ITGAE: variants seen among roughly 807,000 people sequenced by gnomAD.
ITGAE encodes integrin alpha-E.
Under a neutral mutation model 136.5 loss-of-function variants are expected in ITGAE, and 99 were observed. The ratio of observed to expected loss-of-function variants is 0.73; its 90% CI spans 0.62 to 0.86. The LOEUF is 0.86. ITGAE is among the 40% of genes least tolerant of loss of function. The pLI is 0.00. For synonymous variants in ITGAE, 613 were observed against 591.8 expected, an observed-to-expected ratio of 1.04 and a Z score of -0.52; for missense variants, 1,447 against 1,515.3, an observed-to-expected ratio of 0.95 and a Z score of 0.75.
At position 3,746,557 on chromosome 17, in the gene ITGAE, A is replaced by G. The variant is rs543460088; in HGVS notation, c.2156-630T>C. On this transcript the variant is annotated intron_variant, in intron 17 of 30. Coordinates refer to ENST00000263087, the MANE Select transcript of ITGAE (RefSeq NM_002208.5). ...TGCAAGCTCCGCCTCCCGGGTTCACACCATTCTCCTGCCTCAGCCTCCCCC... is the reference window on the plus strand; with the variant it reads ...TGCAAGCTCCGCCTCCCGGGTTCACGCCATTCTCCTGCCTCAGCCTCCCCC... Among the ~76,000 whole-genome samples, 5 of 150,070 alleles carry G rather than the reference A, an allele frequency of 3.3e-5. No homozygotes were observed. In the East Asian group the frequency reaches 5.9e-4, roughly 18 times the overall value.
At chr17:3,745,572 C>T (rs2051692200) in intron 18 of ITGAE, among the ~76,000 whole-genome samples, 192 bp downstream of exon 18, 1 of 152,182 alleles carries the variant, frequency 6.6e-6, no homozygotes, top group Non-Finnish European at 1.5e-5. Context: ...GAACTCCTGA[C>T]CTCAAGTGAT....
chr17:3,757,215 G>A (rs531862785), intron 9 of ITGAE, 81 bp from the exon 10 acceptor site: 15 of 1,494,580 alleles, frequency 1.0e-5, no homozygotes, highest in African/African-American at 1.4e-5. Context: ...CCTCCATCTG[G>A]CCTCTGGGGC....
chr17:3,765,447 C>T (rs1173273052), intron 2 of ITGAE, among the ~76,000 whole-genome samples: 4 of 151,886 alleles, frequency 2.6e-5, no homozygotes, highest in African/African-American at 4.8e-5. Flanking sequence ...ATACCGTCTC[C>T]ACTTCCTCAA....
chr17:3,796,039 CCGTGTGTGCATCTG>C (rs1367708094), intron 1 of ITGAE, among the ~76,000 whole-genome samples: 5 of 67,790 alleles, frequency 7.4e-5, no homozygotes, highest in African/African-American at 1.3e-4. Flanking sequence ...GCGTGTGCAT[CCGTGTGTGCATCTG>C]TGTGTGTGCA....
intron 2 of ITGAE, among the ~76,000 whole-genome samples, chr17:3,773,075 T>G (rs1205565213): frequency 1.3e-5 from 2 of 152,188 alleles, no homozygotes; most frequent in Non-Finnish European, 2.9e-5. Flanking sequence ...GCCGGTTATT[T>G]CACCTGTGCT....
At chr17:3,768,387 A>C (rs891153543) in intron 2 of ITGAE, among the ~76,000 whole-genome samples, 1 of 152,018 alleles carries the variant, frequency 6.6e-6, no homozygotes, top group Non-Finnish European at 1.5e-5. Flanking sequence ...GGCCTCCCAA[A>C]CTGCTGGGAG....
intron 21 of ITGAE, among the ~76,000 whole-genome samples, 177 bp downstream of exon 21, chr17:3,734,640 G>C (rs1388828311): frequency 6.6e-6 from 1 of 152,326 alleles, no homozygotes; most frequent in South Asian, 2.1e-4. Flanking sequence ...AGAATATGGT[G>C]CCTCGGGAGG....
At chr17:3,716,835 G>T in intron 29 of ITGAE, 37 bp from the exon 30 acceptor site, 1 of 1,214,874 alleles carries the variant, frequency 8.2e-7, no homozygotes, top group Non-Finnish European at 1.2e-6. Context: ...TAAATCAGGT[G>T]AAGCAAACAA....
chr17:3,761,555 G>A (rs776791956), intron 4 of ITGAE, 35 bp from the exon 5 acceptor site: 1 of 1,557,210 alleles, frequency 6.4e-7, no homozygotes, highest in Non-Finnish European at 8.8e-7. Flanking sequence ...GAAACACCAG[G>A]TCACCTCCCG....
intron 2 of ITGAE, among the ~76,000 whole-genome samples, chr17:3,773,261 G>A (rs1339639971): frequency 1.3e-5 from 2 of 152,134 alleles, no homozygotes; most frequent in African/African-American, 2.4e-5. Flanking sequence ...AGAGGCCGAG[G>A]CGGGCGGATC....
Position 3,777,637 on chromosome 17 carries a change from T to C in ITGAE, c.58A>G (p.Asn20Asp). ...AGCCAGGGCCGGGCCACATCCACAT[T>C]GAAAGCGGCCAGCAGGGCCAGGCCT... ...IASLALLAAF[N>D]VDVARPWLTP... The change falls in exon 2 of 31, where the codon AAT becomes GAT. Residue 20 changes from asparagine to aspartate, a missense_variant. Around this residue, in one of 3 missense-constraint regions of ITGAE, gnomAD observed 106 missense variants for 87.8 expected, o/e 1.21. Transcript: ENST00000263087. 6.2e-7 allele frequency: 1 copy of C among 1,613,420 alleles called. No individual in the cohort carries two copies. The highest frequency in any genetic ancestry group is 8.5e-7 in the Non-Finnish European group (1 of 1,179,758).
chr17:3,716,950 C>T, intron 29 of ITGAE, 152 bp from the exon 30 acceptor site: 1 of 583,166 alleles, frequency 1.7e-6, no homozygotes, highest in African/African-American at 1.9e-5. Context: ...CTAGATATTC[C>T]CTGATGCAGC....
At chr17:3,753,210 G>T (rs1255169856) in intron 14 of ITGAE, 80 bp downstream of exon 14, 2 of 1,486,456 alleles carry the variant, frequency 1.3e-6, no homozygotes, top group Non-Finnish European at 1.8e-6. Context: ...CAGGGCCAGG[G>T]CACTCCCAGC....
chr17:3,746,685 C>A (rs1271593706), intron 17 of ITGAE, among the ~76,000 whole-genome samples: 5 of 152,208 alleles, frequency 3.3e-5, no homozygotes, highest in Admixed American at 3.3e-4. Context: ...GTCTCGATCT[C>A]CTGACCTTGT....
At chr17:3,775,470 C>CT (rs976979987) in intron 2 of ITGAE, among the ~76,000 whole-genome samples, 1 of 151,370 alleles carries the variant, frequency 6.6e-6, no homozygotes, top group Non-Finnish European at 1.5e-5. Context: ...GCTTGCTTTT[C>CT]TTTTTCTGAG....
rs2050911940 is a variant in ITGAE at position 3,714,781 on chromosome 17, T to C, written c.*66A>G. 4 of 870,908 alleles carry C rather than the reference T, an allele frequency of 4.6e-6. No homozygotes were observed. The Admixed American group carries it at 6.1e-5, about 13-fold the overall frequency. 53.9% of individuals were successfully genotyped at this position (870,908 alleles called of 1,614,324 possible). On this transcript the variant is annotated 3_prime_UTR_variant, in exon 31 of 31. Coordinates refer to ENST00000263087, the MANE Select transcript of ITGAE (RefSeq NM_002208.5). Reference sequence around the variant, plus strand: ...TAGATCATCCTGAAGGAAAAAGTAATGCAAAGGATGCTGGGTCTCCAAGTC... The same window carrying C: ...TAGATCATCCTGAAGGAAAAAGTAACGCAAAGGATGCTGGGTCTCCAAGTC...
At chr17:3,723,089 G>A (rs1328974865) in intron 28 of ITGAE, among the ~76,000 whole-genome samples, 199 bp downstream of exon 28, 1 of 152,146 alleles carries the variant, frequency 6.6e-6, no homozygotes, top group Non-Finnish European at 1.5e-5. Flanking sequence ...GTAATCCCTC[G>A]AGTTCCTTGT....
intron 1 of ITGAE, among the ~76,000 whole-genome samples, chr17:3,783,888 G>A (rs2052719339): frequency 6.6e-6 from 1 of 152,198 alleles, no homozygotes; most frequent in Non-Finnish European, 1.5e-5. Flanking sequence ...AAAATTGACT[G>A]AATTAAAAGG....
intron 12 of ITGAE, chr17:3,754,782 G>A (rs1035852444): frequency 1.7e-4 from 57 of 331,924 alleles, no homozygotes; most frequent in African/African-American, 1.2e-3. Context: ...CCCTCGCCCA[G>A]GTGGCCTCTA....
Sources: allele counts gnomAD v4.1 joint callset (sites outside exome capture counted in the v4.1 genomes callset), GRCh38; gene constraint gnomAD v4.1.1; regional missense constraint gnomAD v4.1.1; transcripts MANE v1.5; gene names NCBI Gene and HGNC (gene_info 2026-07-23, HGNC 2026-07-21).